Variants in NEBL observed in about 807,000 individuals in gnomAD.
NEBL encodes the protein LIM and SH3 protein 2.
Under a neutral mutation model 140.2 loss-of-function variants are expected in NEBL, and 122 were observed. That is an observed-to-expected ratio of 0.87 (90% CI 0.75 to 1.01). The LOEUF (loss-of-function observed/expected upper bound fraction) is 1.01, where lower values mean the gene tolerates loss of function less well. Ranked by LOEUF, NEBL falls within the 50% of genes least tolerant of loss-of-function variation. NEBL has a pLI of 0.00. For missense variants in NEBL, 1,365 were observed against 1,231.3 expected (o/e 1.11, Z -1.62); for synonymous variants, 436 against 398.9 (o/e 1.09, Z -1.11).
chr10:21,052,939 T>C (rs891192280), intron 2 of NEBL, among the ~76,000 whole-genome samples: 1 of 152,192 alleles, frequency 6.6e-6, no homozygotes, highest in African/African-American at 2.4e-5. Flanking sequence ...TGTTCTAGGG[T>C]TTGACAGCAC....
chr10:20,885,198 A>T (rs1846398003), intron 4 of NEBL, among the ~76,000 whole-genome samples: 1 of 152,192 alleles, frequency 6.6e-6, no homozygotes, highest in South Asian at 2.1e-4. Context: ...GGACACTGTA[A>T]ATGTTAGTCC....
intron 3 of NEBL, among the ~76,000 whole-genome samples, chr10:21,223,647 T>C (rs1842104534): frequency 6.6e-6 from 1 of 152,224 alleles, no homozygotes; most frequent in Non-Finnish European, 1.5e-5. Flanking sequence ...GTAGTTGTAT[T>C]AATTTACATT....
upstream of NEBL, chr10:20,899,436 G>A (rs917171580): frequency 1.5e-6 from 2 of 1,301,608 alleles, no homozygotes; most frequent in African/African-American, 3.0e-5. Context: ...ATGTTCTTAG[G>A]GACTCTTCAC....
At chr10:21,041,259 A>G (rs940677591) in intron 2 of NEBL, among the ~76,000 whole-genome samples, 8 of 152,116 alleles carry the variant, frequency 5.3e-5, no homozygotes, top group Admixed American at 5.2e-4. Flanking sequence ...CCTTGTGTCC[A>G]TGTGTATTCA....
intron 23 of NEBL, 99 bp downstream of exon 23, chr10:20,813,840 G>A (rs569954478): frequency 2.4e-6 from 2 of 821,798 alleles, no homozygotes; most frequent in South Asian, 2.8e-5. Context: ...ACATTTCCAT[G>A]CTTTGTTAGT....
rs1588693101 is a variant in NEBL, at chr10:20,823,198, A to C, written c.1962+10T>G. 1 of 1,585,628 alleles carries C rather than the reference A, an allele frequency of 6.3e-7. No individual in the cohort carries two copies. The highest frequency in any genetic ancestry group is 2.2e-5 in the East Asian group (1 of 44,568). Reference sequence around the variant, plus strand: ...AAAATTTTTAAAAAATACTTAAGAAATATGATCACATTGCTGATGTTCTTC... The same window carrying C: ...AAAATTTTTAAAAAATACTTAAGAACTATGATCACATTGCTGATGTTCTTC... On this transcript the variant is annotated intron_variant, in intron 19 of 27. Transcript: ENST00000377122.
At chr10:21,035,717 A>G (rs997749941) in intron 2 of NEBL, among the ~76,000 whole-genome samples, 2 of 130,328 alleles carry the variant, frequency 1.5e-5, no homozygotes, top group African/African-American at 5.6e-5. Flanking sequence ...ATATTTTAAA[A>G]TAAATATCCT....
chr10:20,976,750 T>C (rs1008374457), intron 3 of NEBL, among the ~76,000 whole-genome samples: 2 of 151,666 alleles, frequency 1.3e-5, no homozygotes, highest in Non-Finnish European at 2.9e-5. Flanking sequence ...ATGGGAACAA[T>C]AGACACTGGG....
intron 4 of NEBL, among the ~76,000 whole-genome samples, chr10:20,939,122 A>G (rs1358051800): frequency 6.6e-6 from 1 of 152,198 alleles, no homozygotes; most frequent in Non-Finnish European, 1.5e-5. Context: ...GAGCAACTCC[A>G]AGACACATAA....
chr10:21,292,492 T>G (rs2132308227), intron 1 of NEBL, among the ~76,000 whole-genome samples: 1 of 152,324 alleles, frequency 6.6e-6, no homozygotes, highest in Middle Eastern at 3.4e-3. Context: ...CCTGAGAAAT[T>G]TATTGAAATT....
chr10:20,788,434 ATATTT>A (rs917211717), intron 26 of NEBL, among the ~76,000 whole-genome samples: 2 of 151,586 alleles, frequency 1.3e-5, no homozygotes, highest in African/African-American at 4.8e-5. Context: ...TGAATAATTA[ATATTT>A]TATAAGTAGA....
chr10:21,091,202 T>C (rs1209021239), intron 2 of NEBL, among the ~76,000 whole-genome samples: 1 of 152,226 alleles, frequency 6.6e-6, no homozygotes, highest in Non-Finnish European at 1.5e-5. Flanking sequence ...GTTTCACATT[T>C]AGCTAAGAAG....
intron 2 of NEBL, among the ~76,000 whole-genome samples, chr10:21,140,353 A>G (rs1839574225): frequency 6.6e-6 from 1 of 152,222 alleles, no homozygotes; most frequent in Non-Finnish European, 1.5e-5. Flanking sequence ...TTCATTTTTA[A>G]TTTGCAAGAA....
chr10:21,004,657 T>C (rs1199181358), intron 3 of NEBL, among the ~76,000 whole-genome samples: 1 of 151,902 alleles, frequency 6.6e-6, no homozygotes, highest in Non-Finnish European at 1.5e-5. Flanking sequence ...GAGGTGGAGC[T>C]TGCAGTGAGT....
chr10:20,957,216 A>C (rs1409593676), intron 4 of NEBL, among the ~76,000 whole-genome samples: 1 of 152,198 alleles, frequency 6.6e-6, no homozygotes, highest in African/African-American at 2.4e-5. Context: ...CTAACTCACA[A>C]AATCTCAGGG....
chr10:21,082,880 A>T (rs1210944963), intron 2 of NEBL, among the ~76,000 whole-genome samples: 1 of 148,042 alleles, frequency 6.8e-6, no homozygotes, highest in Non-Finnish European at 1.5e-5. Context: ...CTCTTGCCTC[A>T]GCCTCCCAAA....
intron 26 of NEBL, among the ~76,000 whole-genome samples, chr10:20,788,362 TG>T (rs999962159): frequency 2.0e-5 from 3 of 152,170 alleles, no homozygotes; most frequent in Admixed American, 2.0e-4. Context: ...GTAATTATAA[TG>T]GGTTGATTTA....
At chr10:20,901,874 C>T (rs788987), upstream of NEBL, among the ~76,000 whole-genome samples, 34,450 of 152,074 alleles carry the variant, frequency 0.23, 4,295 homozygotes, top group East Asian at 0.41. Flanking sequence ...TACTGATGGA[C>T]GAGGCAAGAT....
chr10:20,813,843 T>G, intron 23 of NEBL, 96 bp downstream of exon 23: 1 of 835,298 alleles, frequency 1.2e-6, no homozygotes, highest in Non-Finnish European at 2.1e-6. Flanking sequence ...TTTCCATGCT[T>G]TGTTAGTTAT....
Sources: allele counts gnomAD v4.1 joint callset (sites outside exome capture counted in the v4.1 genomes callset), GRCh38; gene constraint gnomAD v4.1.1; transcripts MANE v1.5; gene names NCBI Gene and HGNC (gene_info 2026-07-23, HGNC 2026-07-21).